The following CIMAP2 variants were observed in gnomAD, a reference collection of about 807,000 sequenced individuals.
The protein encoded by CIMAP2 is ciliary microtubule-associated protein 2.
At chr1:54,836,682 G>A in the CIMAP2 span, among the ~76,000 whole-genome samples, 7 of 152,182 alleles carry the variant, frequency 4.6e-5, no homozygotes, top group African/African-American at 7.2e-5. Flanking sequence ...TGCCATAAGC[G>A]TGTGGGGCAG....
At chr1:54,806,199 C>T in the CIMAP2 span, 4 of 1,544,472 alleles carry the variant, frequency 2.6e-6, no homozygotes, top group South Asian at 2.4e-5. Flanking sequence ...ACCGGGGCGC[C>T]CTTCGGGGTG....
At chr1:54,842,090 CAGG>C in the CIMAP2 span, 2 of 587,028 alleles carry the variant, frequency 3.4e-6, no homozygotes, top group South Asian at 2.2e-5. Flanking sequence ...TCTTTTGTTG[CAGG>C]AGATCAATTA....
chr1:54,806,426 AG>A, the CIMAP2 span, among the ~76,000 whole-genome samples: 47 of 152,294 alleles, frequency 3.1e-4, no homozygotes, highest in African/African-American at 1.1e-3. Flanking sequence ...TTCCCTGCCC[AG>A]GGTTCTTTTA....
At chr1:54,839,386 A>T in the CIMAP2 span, among the ~76,000 whole-genome samples, 113,169 of 140,030 alleles carry the variant, frequency 0.81, 43,530 homozygotes, top group Middle Eastern at 0.87. Flanking sequence ...TTATTTATTT[A>T]TTTTTCGAGA....
At chr1:54,838,852 A>G in the CIMAP2 span, among the ~76,000 whole-genome samples, 2 of 152,094 alleles carry the variant, frequency 1.3e-5, no homozygotes, top group African/African-American at 4.8e-5. Context: ...GCCCAGCCTC[A>G]GAATGCCACA....
At chr1:54,831,383 T>C in the CIMAP2 span, among the ~76,000 whole-genome samples, 1 of 150,664 alleles carries the variant, frequency 6.6e-6, no homozygotes, top group South Asian at 2.1e-4. Context: ...ATGGACACAA[T>C]GGCTCATTCC....
the CIMAP2 span, among the ~76,000 whole-genome samples, chr1:54,829,585 G>A: frequency 0.024 from 3,612 of 152,270 alleles, 133 homozygotes; most frequent in African/African-American, 0.072. Flanking sequence ...CCTGTGCTTG[G>A]TTCTGTCCTG....
chr1:54,806,166 G>C, the CIMAP2 span: 3 of 1,552,240 alleles, frequency 1.9e-6, no homozygotes, highest in East Asian at 7.2e-5. Context: ...AACCGCGTCG[G>C]CTCCACGGCC....
the CIMAP2 span, chr1:54,811,767 C>CGGGGGGGCGGCG: frequency 9.2e-7 from 1 of 1,088,170 alleles, no homozygotes; most frequent in Non-Finnish European, 1.4e-6. Context: ...TTCTGACAGC[C>CGGGGGGGCGGCG]TCCATGCCCC....
At chr1:54,808,035 C>T in the CIMAP2 span, 2 of 1,520,014 alleles carry the variant, frequency 1.3e-6, no homozygotes, top group African/African-American at 2.8e-5. Flanking sequence ...TGTCTGGAGT[C>T]CCAAGCAGAG....
chr1:54,840,215 A>G, the CIMAP2 span, among the ~76,000 whole-genome samples: 6 of 152,182 alleles, frequency 3.9e-5, no homozygotes, highest in Non-Finnish European at 1.5e-5. Context: ...CCAGAATGTC[A>G]TATAAGTGGA....
At chr1:54,841,370 C>T in the CIMAP2 span, among the ~76,000 whole-genome samples, 1 of 152,176 alleles carries the variant, frequency 6.6e-6, no homozygotes, top group Non-Finnish European at 1.5e-5. Flanking sequence ...GGTTTCCACT[C>T]ATGGGAAAGA....
At chr1:54,833,854 T>C in the CIMAP2 span, among the ~76,000 whole-genome samples, 4 of 152,100 alleles carry the variant, frequency 2.6e-5, no homozygotes, top group Non-Finnish European at 5.9e-5. Flanking sequence ...TTTTTTTTAA[T>C]TTTTATTTCT....
the CIMAP2 span, among the ~76,000 whole-genome samples, chr1:54,827,199 A>G: frequency 6.6e-6 from 1 of 152,258 alleles, no homozygotes; most frequent in African/African-American, 2.4e-5. Context: ...GGTGAGTGAC[A>G]GAGCTGGCAC....
At chr1:54,830,397 T>G in the CIMAP2 span, among the ~76,000 whole-genome samples, 3 of 152,036 alleles carry the variant, frequency 2.0e-5, no homozygotes, top group Admixed American at 2.0e-4. This position sits in a 1 kb window ranked among gnomAD's most constrained non-coding sequence, Gnocchi z 4.1. Context: ...TAATTTTGTA[T>G]TTTTAGTAGA....
the CIMAP2 span, chr1:54,813,684 C>A: frequency 3.3e-6 from 2 of 597,554 alleles, no homozygotes; most frequent in Non-Finnish European, 5.0e-6. Flanking sequence ...CGGCCTCCGG[C>A]CTCCGGGATG....
chr1:54,815,555 C>T, the CIMAP2 span, among the ~76,000 whole-genome samples: 2 of 152,130 alleles, frequency 1.3e-5, no homozygotes, highest in African/African-American at 2.4e-5. Flanking sequence ...CTTCCCTTTC[C>T]CACTCTCTTC....
chr1:54,816,900 T>G, the CIMAP2 span: 4 of 1,508,346 alleles, frequency 2.7e-6, no homozygotes, highest in Middle Eastern at 1.8e-4. Flanking sequence ...ACAGATGGAG[T>G]AGGGAAGCGT....
At chr1:54,807,860 C>A in the CIMAP2 span, 1 of 1,547,466 alleles carries the variant, frequency 6.5e-7, no homozygotes, top group South Asian at 1.3e-5. Flanking sequence ...AAGTTTAAGG[C>A]TTTCATTTTC....
Sources: allele counts gnomAD v4.1 joint callset (sites outside exome capture counted in the v4.1 genomes callset), GRCh38; gene constraint gnomAD v4.1.1; non-coding constraint Gnocchi (gnomAD v3.1); transcripts MANE v1.5; gene names NCBI Gene and HGNC (gene_info 2026-07-23, HGNC 2026-07-21).